The following OSTN variants were observed in gnomAD, a reference collection of about 807,000 sequenced individuals.
The protein encoded by OSTN is osteocrin.
A neutral mutation model predicts 12.0 loss-of-function variants in OSTN; 9 were observed. The observed-to-expected ratio is 0.75, with a 90% CI of 0.45 to 1.30. The LOEUF (loss-of-function observed/expected upper bound fraction) is 1.30, where lower values mean the gene tolerates loss of function less well. OSTN is among the 50% of genes most tolerant of loss of function. The pLI is 0.00. For missense variants in OSTN, 148 were observed against 152.3 expected (o/e 0.97, Z 0.15); for synonymous variants, 59 against 56.9 (o/e 1.04, Z -0.16).
intron 3 of OSTN, among the ~76,000 whole-genome samples, chr3:191,225,531 T>A (rs1714887079): frequency 6.6e-6 from 1 of 152,150 alleles, no homozygotes; most frequent in Non-Finnish European, 1.5e-5. Context: ...GGAAATCATG[T>A]TTATTGCAGC....
chr3:191,207,064 A>G (rs1714294802), intron 1 of OSTN, among the ~76,000 whole-genome samples: 1 of 152,196 alleles, frequency 6.6e-6, no homozygotes, highest in Non-Finnish European at 1.5e-5. Flanking sequence ...GCCCCTTTAT[A>G]AAATATCCTG....
intron 1 of OSTN, among the ~76,000 whole-genome samples, chr3:191,205,823 T>G (rs1714260409): frequency 6.6e-6 from 1 of 152,112 alleles, no homozygotes; most frequent in Admixed American, 6.6e-5. Context: ...CAATTTTTGT[T>G]TTGAAAGGGT....
At chr3:191,258,895 T>C (rs1215162367) in intron 4 of OSTN, among the ~76,000 whole-genome samples, 1 of 152,204 alleles carries the variant, frequency 6.6e-6, no homozygotes, top group African/African-American at 2.4e-5. Context: ...GCCTAGCCAT[T>C]ACATACACTA....
intron 2 of OSTN, 69 bp from the exon 3 acceptor site, chr3:191,218,678 C>G: frequency 1.6e-6 from 2 of 1,281,520 alleles, no homozygotes; most frequent in Non-Finnish European, 2.2e-6. Context: ...TAGCAAAAGC[C>G]AGATGCATAT....
At chr3:191,221,589 T>A (rs188478216) in intron 3 of OSTN, among the ~76,000 whole-genome samples, 25 of 152,280 alleles carry the variant, frequency 1.6e-4, no homozygotes. Context: ...CCTAGAGGTC[T>A]GAGGAACTTT....
At chr3:191,244,183 C>T (rs1229256745) in intron 3 of OSTN, among the ~76,000 whole-genome samples, 1 of 152,128 alleles carries the variant, frequency 6.6e-6, no homozygotes, top group African/African-American at 2.4e-5. Flanking sequence ...TTTCCACCTG[C>T]TGTTTTTTGG....
At chr3:191,212,867 C>CTTTTTTTTTTTTT (rs397991965) in intron 2 of OSTN, among the ~76,000 whole-genome samples, 11 of 93,080 alleles carry the variant, frequency 1.2e-4, no homozygotes, top group Admixed American at 3.0e-4. Flanking sequence ...TCTTTTCTTT[C>CTTTTTTTTTTTTT]TTTTTTTTTT....
intron 2 of OSTN, among the ~76,000 whole-genome samples, chr3:191,218,215 A>T (rs1207157898): frequency 6.6e-6 from 1 of 152,208 alleles, no homozygotes; most frequent in Non-Finnish European, 1.5e-5. Context: ...ATTTTAAAGC[A>T]TTCCAGGAGT....
intron 3 of OSTN, among the ~76,000 whole-genome samples, chr3:191,240,062 T>A (rs889829015): frequency 3.3e-5 from 5 of 152,238 alleles, no homozygotes; most frequent in Non-Finnish European, 5.9e-5. Context: ...ATATTTTATT[T>A]CTCTACTGTT....
Position 191,254,184 on chromosome 3 carries a change from G to A in OSTN, c.*12+4051G>A, listed in dbSNP as rs188171824. 7.2e-5 allele frequency among the ~76,000 whole-genome samples: 11 copies of A among 152,290 alleles called. No individual in the cohort carries two copies. In the East Asian group the frequency reaches 9.6e-4, roughly 13 times the overall value. On this transcript the variant is annotated intron_variant, in intron 4 of 4. Coordinates refer to ENST00000682035, the MANE Select transcript of OSTN (RefSeq NM_198184.2). Reference sequence around the variant, plus strand: ...ATGCAGATAAACAGATCTTTAATAAGAAGTATTTCTAAGGAAATAGAAAAA... The same window carrying A: ...ATGCAGATAAACAGATCTTTAATAAAAAGTATTTCTAAGGAAATAGAAAAA...
intron 3 of OSTN, among the ~76,000 whole-genome samples, chr3:191,227,002 A>G (rs1714928993): frequency 6.6e-6 from 1 of 152,272 alleles, no homozygotes; most frequent in South Asian, 2.1e-4. Context: ...AGAAAAAATA[A>G]GGAAAAAATT....
intron 3 of OSTN, among the ~76,000 whole-genome samples, chr3:191,224,167 C>T (rs999752437): frequency 2.0e-5 from 3 of 151,884 alleles, no homozygotes; most frequent in African/African-American, 7.3e-5. Context: ...CACCTGAGGT[C>T]GGGAGTTGGA....
intron 2 of OSTN, among the ~76,000 whole-genome samples, chr3:191,215,861 A>G (rs1168614168): frequency 6.6e-6 from 1 of 152,104 alleles, no homozygotes; most frequent in Non-Finnish European, 1.5e-5. Flanking sequence ...GCACAGTGCA[A>G]GCTGTCGGTG....
At chr3:191,240,389 A>AT (rs1187059500) in intron 3 of OSTN, among the ~76,000 whole-genome samples, 3 of 151,964 alleles carry the variant, frequency 2.0e-5, no homozygotes, top group Admixed American at 6.6e-5. Flanking sequence ...ATGATCATTT[A>AT]TTTTTTCTAC....
At chr3:191,221,680 A>C (rs946478384) in intron 3 of OSTN, among the ~76,000 whole-genome samples, 3 of 151,872 alleles carry the variant, frequency 2.0e-5, no homozygotes. Context: ...CAGGGCATAA[A>C]AGTTTGAAAA....
At chr3:191,239,111 A>C (rs1459022570) in intron 3 of OSTN, among the ~76,000 whole-genome samples, 1 of 152,252 alleles carries the variant, frequency 6.6e-6, no homozygotes, top group African/African-American at 2.4e-5. Flanking sequence ...ACAAAGAATT[A>C]AACAAAACGC....
intron 1 of OSTN, among the ~76,000 whole-genome samples, chr3:191,203,861 G>A (rs1714207923): frequency 1.3e-5 from 2 of 152,070 alleles, no homozygotes; most frequent in South Asian, 4.1e-4. Context: ...TGAGAAATGG[G>A]AAGAACACAT....
intron 2 of OSTN, among the ~76,000 whole-genome samples, chr3:191,216,438 C>T (rs1033690440): frequency 1.3e-5 from 2 of 152,240 alleles, no homozygotes; most frequent in African/African-American, 4.8e-5. Flanking sequence ...GATTAAATTT[C>T]TCCCCAGAAA....
At chr3:191,206,885 A>C (rs574629316) in intron 1 of OSTN, among the ~76,000 whole-genome samples, 2 of 152,302 alleles carry the variant, frequency 1.3e-5, no homozygotes, top group South Asian at 4.1e-4. Flanking sequence ...TTATAACTTA[A>C]TGGAGTGGGT....
Sources: gnomAD v4.1 joint callset for allele counts (sites outside exome capture counted in the v4.1 genomes callset) on GRCh38, gnomAD v4.1.1 for gene constraint, MANE v1.5 for transcripts, NCBI Gene and HGNC (gene_info 2026-07-23, HGNC 2026-07-21) for gene names.